The following SOX6 variants were observed in gnomAD, a reference collection of about 807,000 sequenced individuals.
The protein encoded by SOX6 is SRY-box transcription factor 6, also known as transcription factor SOX-6.
SOX6 carries 11 observed loss-of-function variants against 97.8 expected under a neutral mutation model. The observed-to-expected ratio is 0.11, with a 90% confidence interval of 0.07 to 0.19. The LOEUF is 0.19. Ranked by LOEUF, SOX6 falls within the 10% of genes least tolerant of loss-of-function variation. SOX6 has a pLI of 1.00. For synonymous variants in SOX6, 360 were observed against 371.4 expected (o/e 0.97, Z 0.35); for missense variants, 810 against 1,039.5 (o/e 0.78, Z 3.04).
chr11:16,655,972 A>T (rs975293664), intron 3 of SOX6, among the ~76,000 whole-genome samples: 1 of 145,302 alleles, frequency 6.9e-6, no homozygotes, highest in South Asian at 2.2e-4. Context: ...CTGTCTCATT[A>T]AAAAAAAAAA....
chr11:16,653,114 A>G (rs949079253), intron 3 of SOX6, among the ~76,000 whole-genome samples: 3 of 152,232 alleles, frequency 2.0e-5, no homozygotes, highest in Non-Finnish European at 2.9e-5. Flanking sequence ...AACTCAAAAA[A>G]TAATAGATGT....
At chr11:16,402,632 T>A in intron 1 of SOX6, 1 of 1,604,848 alleles carries the variant, frequency 6.2e-7, no homozygotes, top group Non-Finnish European at 8.5e-7. Context: ...CCTTTCATTT[T>A]TTTTAACAAA....
At chr11:16,649,573 A>G (rs964249435) in intron 3 of SOX6, among the ~76,000 whole-genome samples, 59 of 152,220 alleles carry the variant, frequency 3.9e-4, no homozygotes, top group African/African-American at 1.4e-3. Context: ...ACAAATGCTG[A>G]GAGAATTTGC....
intron 1 of SOX6, among the ~76,000 whole-genome samples, chr11:16,439,066 T>A (rs780553458): frequency 2.6e-5 from 4 of 152,206 alleles, no homozygotes; most frequent in Non-Finnish European, 5.9e-5. Context: ...TCACTCTTCA[T>A]AATCTAAATT....
intron 4 of SOX6, among the ~76,000 whole-genome samples, chr11:16,574,995 A>T (rs1465593947): frequency 2.0e-5 from 3 of 151,530 alleles, no homozygotes; most frequent in Non-Finnish European, 4.4e-5. Context: ...AGCTGAGATC[A>T]CACCACTGCA....
intron 4 of SOX6, among the ~76,000 whole-genome samples, chr11:16,229,898 C>G (rs1304111688): frequency 6.6e-6 from 1 of 151,672 alleles, no homozygotes; most frequent in Admixed American, 6.6e-5. Flanking sequence ...TTCAATTCAA[C>G]TATGAACACT....
intron 2 of SOX6, among the ~76,000 whole-genome samples, chr11:16,726,450 T>C (rs938159009): frequency 1.3e-5 from 2 of 152,146 alleles, no homozygotes; most frequent in Non-Finnish European, 2.9e-5. Context: ...ATAGTGATGG[T>C]TGCACAACTC....
chr11:16,704,921 T>C (rs1739863711), intron 3 of SOX6, among the ~76,000 whole-genome samples: 1 of 152,150 alleles, frequency 6.6e-6, no homozygotes, highest in Non-Finnish European at 1.5e-5. Context: ...AAACATTATT[T>C]AACAGGAAAA....
rs192877571 is a variant in SOX6, at chr11:16,210,940, G to A, written c.535+23642C>T. ...TTCTAATTTTAAGCAAGATAGTCAA[G>A]GTAGTTCTCCCAAAGAAGATGACTT... is the stretch of plus-strand genomic sequence containing the variant. On this transcript the variant is annotated intron_variant, in intron 4 of 15. Coordinates refer to ENST00000683767, the MANE Select transcript of SOX6 (RefSeq NM_001367873.1). Among the ~76,000 whole-genome samples the A allele has an allele frequency of 2.3e-3, 348 of 152,190 alleles. 3 individuals carry two copies. Among genetic ancestry groups the A allele is most frequent in the Admixed American group, 7.7e-3 (117 of 15,290 alleles).
At chr11:16,259,447 T>C (rs1395941941) in intron 3 of SOX6, among the ~76,000 whole-genome samples, 1 of 152,068 alleles carries the variant, frequency 6.6e-6, no homozygotes, top group Non-Finnish European at 1.5e-5. Context: ...AAAATGTATA[T>C]GTAAACACAA....
At chr11:16,521,963 A>G (rs1215484106) in intron 4 of SOX6, among the ~76,000 whole-genome samples, 5 of 152,336 alleles carry the variant, frequency 3.3e-5, no homozygotes, top group African/African-American at 1.2e-4. Flanking sequence ...AAAGCCTCCA[A>G]GAAATATGGG....
intron 3 of SOX6, among the ~76,000 whole-genome samples, chr11:16,257,953 C>T (rs934222779): frequency 4.6e-5 from 7 of 151,448 alleles, no homozygotes; most frequent in Admixed American, 1.3e-4. Context: ...GAAAAGATGT[C>T]CAATATCATA....
chr11:16,286,062 G>A (rs534400700), intron 3 of SOX6, among the ~76,000 whole-genome samples: 2 of 152,180 alleles, frequency 1.3e-5, no homozygotes, highest in South Asian at 4.1e-4. Flanking sequence ...TGAGCTTCTT[G>A]AAATAAAGCA....
chr11:16,061,606 A>G (rs552158724), intron 9 of SOX6, among the ~76,000 whole-genome samples: 1 of 152,018 alleles, frequency 6.6e-6, no homozygotes, highest in East Asian at 1.9e-4. Flanking sequence ...AGCAAAAAGA[A>G]CAAAGCTGGA....
chr11:16,159,842 C>G (rs1360409818), intron 6 of SOX6, among the ~76,000 whole-genome samples: 2 of 152,076 alleles, frequency 1.3e-5, no homozygotes, highest in Non-Finnish European at 2.9e-5. Context: ...GGTGAAACTT[C>G]ATTATTACCA....
chr11:16,228,827 C>T (rs1852761089), intron 4 of SOX6, among the ~76,000 whole-genome samples: 1 of 152,126 alleles, frequency 6.6e-6, no homozygotes, highest in African/African-American at 2.4e-5. Context: ...GGTACATACT[C>T]ATACAAATTT....
At chr11:16,167,932 A>AT (rs1269597149) in intron 6 of SOX6, among the ~76,000 whole-genome samples, 3 of 152,148 alleles carry the variant, frequency 2.0e-5, no homozygotes, top group Admixed American at 6.5e-5. Context: ...CAGAGCAGGG[A>AT]TTTTTGTAGA....
At chr11:16,138,482 C>A (rs1409822073) in intron 6 of SOX6, among the ~76,000 whole-genome samples, 1 of 152,070 alleles carries the variant, frequency 6.6e-6, no homozygotes, top group Non-Finnish European at 1.5e-5. Context: ...ATCTGAAATA[C>A]TCAGTTCTTC....
intron 1 of SOX6, among the ~76,000 whole-genome samples, chr11:16,400,169 A>C (rs1233482516): frequency 6.6e-6 from 1 of 151,486 alleles, no homozygotes; most frequent in Non-Finnish European, 1.5e-5. Flanking sequence ...GCCATCATAG[A>C]CCTTATATTC....
Sources: allele counts gnomAD v4.1 joint callset (sites outside exome capture counted in the v4.1 genomes callset), GRCh38; gene constraint gnomAD v4.1.1; transcripts MANE v1.5; gene names NCBI Gene and HGNC (gene_info 2026-07-23, HGNC 2026-07-21).